SFT2D2: variants seen among roughly 807,000 people sequenced by gnomAD.
The protein encoded by SFT2D2 is vesicle transport protein SFT2B.
SFT2D2 carries 21 observed loss-of-function variants against 27.4 expected under a neutral mutation model. The observed-to-expected ratio is 0.77, with a 90% CI of 0.54 to 1.10. SFT2D2 has a LOEUF of 1.10. Among genes scored for constraint, SFT2D2 ranks in the 50% least tolerant of loss-of-function variants. The probability of loss-of-function intolerance (pLI) is 0.00; values close to 1 mark genes in which losing one functional copy is unlikely to be tolerated. For missense variants in SFT2D2, 187 were observed against 194.2 expected (o/e 0.96, Z 0.22); for synonymous variants, 72 against 71.7 (o/e 1.00, Z -0.02).
Position 168,252,381 on chromosome 1 carries a change from G to A in SFT2D2, c.*9841G>A, listed in dbSNP as rs1185771218. 1 of 152,176 alleles carries A rather than the reference G, an allele frequency of 6.6e-6. No individual in the cohort carries two copies. Among genetic ancestry groups the A allele is most frequent in the Non-Finnish European group, 1.5e-5 (1 of 68,032 alleles). 9.4% of individuals were successfully genotyped at this position (152,176 alleles called of 1,614,324 possible). A position where few individuals can be genotyped will look rare whatever the true frequency, so the allele number is the denominator to read the frequency against. On this transcript the variant is annotated 3_prime_UTR_variant, in exon 8 of 8. Coordinates refer to ENST00000271375, the MANE Select transcript of SFT2D2 (RefSeq NM_199344.3). The stretch of plus-strand genomic sequence containing the variant: ...GTGAGGCATCCTTAAAGGACAAATT[G>A]CAGCTGGTATTTGGGTGAATGTTGT...
rs1258768133 is a variant in SFT2D2, at chr1:168,250,021, A to G, written c.*7481A>G. On this transcript the variant is annotated 3_prime_UTR_variant, in exon 8 of 8. Transcript: ENST00000271375. ...CTGCCCAGTGAATGGTATTGCCTCC[A>G]TCCTCTGAGAAGGTAAAGAGCCTAT... is the stretch of plus-strand genomic sequence containing the variant. 6.6e-6 allele frequency: 1 copy of G among 152,180 alleles called. No homozygotes were observed. Among genetic ancestry groups the G allele is most frequent in the Non-Finnish European group, 1.5e-5 (1 of 68,042 alleles). The allele number at this position is 152,180 out of a possible 1,614,324, so 9.4% of individuals were successfully genotyped here.
chr1:168,231,385 C>A (rs1647282997), intron 1 of SFT2D2, 129 bp from the exon 2 acceptor site: 1 of 715,336 alleles, frequency 1.4e-6, no homozygotes, highest in Admixed American at 2.5e-5. Context: ...ACTTACATCG[C>A]CTGAGTGTGT....
rs139446674 is a variant in SFT2D2 at position 168,236,753 on chromosome 1, G to T, written c.396G>T (p.Gln132His). The T allele has an allele frequency of 1.6e-3, 2,648 of 1,614,160 alleles. 4 individuals carry two copies. The highest frequency in any genetic ancestry group is 2.1e-3 in the Non-Finnish European group (2,471 of 1,180,018). Residue 132 changes from glutamine to histidine, a missense_variant, in exon 6 of 8, where the codon CAG becomes CAT. Transcript: ENST00000271375. ...TTGCACTTATCTTCTGCATTTTGCA[G>T]TCTTTGGCATTGACGTGGTAAGTAA... is the stretch of plus-strand genomic sequence containing the variant. ...KGLALIFCIL[Q>H]SLALTWYSLS...
chr1:168,234,942 A>G (rs962087830), intron 3 of SFT2D2, among the ~76,000 whole-genome samples, 159 bp from the exon 4 acceptor site: 8 of 152,188 alleles, frequency 5.3e-5, no homozygotes, highest in African/African-American at 1.9e-4. Context: ...TTGTTGATGG[A>G]TTAAATGAGA....
At chr1:168,239,001 C>T in intron 6 of SFT2D2, 130 bp from the exon 7 acceptor site, 1 of 730,496 alleles carries the variant, frequency 1.4e-6, no homozygotes, top group Non-Finnish European at 2.4e-6. Flanking sequence ...ATGCTCATCC[C>T]CCAGGCTGAG....
At position 168,246,518 on chromosome 1, in the gene SFT2D2, T is replaced by G; in HGVS notation, c.*3978T>G. 1 of 1,483,064 alleles carries G rather than the reference T, an allele frequency of 6.7e-7. No individual in the cohort carries two copies. The highest frequency in any genetic ancestry group is 1.8e-5 in the Admixed American group (1 of 54,662). The allele number at this position is 1,483,064 out of a possible 1,614,324, so 91.9% of individuals were successfully genotyped here. A position where few individuals can be genotyped will look rare whatever the true frequency, so the allele number is the denominator to read the frequency against. ...TCTCTTGTGTTATGGAGCTCAGTTT[T>G]GAGGCACCTGGACTTACTCTCAGCT... On this transcript the variant is annotated 3_prime_UTR_variant, in exon 8 of 8. Transcript: ENST00000271375.
At chr1:168,239,710 T>C (rs1647593783) in intron 7 of SFT2D2, among the ~76,000 whole-genome samples, 3 of 152,098 alleles carry the variant, frequency 2.0e-5, no homozygotes, top group African/African-American at 7.2e-5. Flanking sequence ...GAGGCCTCTT[T>C]TAGCTCTGAA....
At position 168,239,294 on chromosome 1, in the gene SFT2D2, A is replaced by G; in HGVS notation, c.443+134A>G. The G allele has an allele frequency of 2.0e-5, 13 of 653,128 alleles. No homozygotes were observed. In the South Asian group the frequency reaches 2.4e-4, roughly 12 times the overall value. The allele number at this position is 653,128 out of a possible 1,614,324, so 40.5% of individuals were successfully genotyped here. A position where few individuals can be genotyped will look rare whatever the true frequency, so the allele number is the denominator to read the frequency against. ...TAGACAAATACTATACATCTCATTT[A>G]TAGATAAGTAAGTTAAAGGTCACCC... On this transcript the variant is annotated intron_variant, in intron 7 of 7. Coordinates refer to ENST00000271375, the MANE Select transcript of SFT2D2 (RefSeq NM_199344.3).
intron 4 of SFT2D2, among the ~76,000 whole-genome samples, chr1:168,236,373 A>C (rs1054491252): frequency 6.6e-6 from 1 of 152,222 alleles, no homozygotes; most frequent in African/African-American, 2.4e-5. Context: ...GAAAACTTGA[A>C]AGTAAAAGAA....
intron 7 of SFT2D2, among the ~76,000 whole-genome samples, 165 bp downstream of exon 7, chr1:168,239,325 C>T (rs1647585434): frequency 6.6e-6 from 1 of 152,158 alleles, no homozygotes; most frequent in Non-Finnish European, 1.5e-5. Context: ...CACCCCACCA[C>T]CCACTCTAAT....
intron 4 of SFT2D2, 143 bp from the exon 5 acceptor site, chr1:168,236,446 C>A: frequency 2.9e-6 from 2 of 695,204 alleles, no homozygotes; most frequent in South Asian, 1.9e-5. Flanking sequence ...AACTATTCTG[C>A]CAAATATGGG....
In SFT2D2 at chr1:168,242,603, T is replaced by A; in HGVS notation, c.*63T>A. On this transcript the variant is annotated 3_prime_UTR_variant, in exon 8 of 8. Transcript: ENST00000271375. ...GGACAGAAGCTGGTGGACAGTTTTG[T>A]AACTATCTTCGAAACCTCTGTCTTA... 4 of 1,591,538 alleles carry A rather than the reference T, an allele frequency of 2.5e-6. No homozygotes were observed. The South Asian group carries it at 4.4e-5, about 18-fold the overall frequency.
chr1:168,252,899 T>C lies in SFT2D2; in HGVS notation c.*10359T>C, dbSNP rs1442618040. On this transcript the variant is annotated 3_prime_UTR_variant, in exon 8 of 8. Coordinates refer to ENST00000271375, the MANE Select transcript of SFT2D2 (RefSeq NM_199344.3). Reference sequence around the variant, plus strand: ...GAAAATCTATTTCATTTACTAAATATTGTTTTCTTTATGCTAACTTAACTT... The same window carrying C: ...GAAAATCTATTTCATTTACTAAATACTGTTTTCTTTATGCTAACTTAACTT... 6.6e-6 allele frequency: 1 copy of C among 152,244 alleles called. No individual in the cohort carries two copies. Among genetic ancestry groups the C allele is most frequent in the Admixed American group, 6.5e-5 (1 of 15,288 alleles). 9.4% of individuals were successfully genotyped at this position (152,244 alleles called of 1,614,324 possible).
chr1:168,231,961 T>A (rs540975279), intron 3 of SFT2D2, 42 bp downstream of exon 3: 1 of 1,554,102 alleles, frequency 6.4e-7, no homozygotes, highest in East Asian at 2.2e-5. Flanking sequence ...AATCATTAGA[T>A]GGGAAAATGG....
intron 6 of SFT2D2, among the ~76,000 whole-genome samples, chr1:168,238,729 G>T (rs1353698039): frequency 2.0e-5 from 3 of 152,016 alleles, no homozygotes; most frequent in East Asian, 1.9e-4. Flanking sequence ...AATAAAGGAG[G>T]GGGGTGCGGT....
In SFT2D2 at chr1:168,245,356, A is replaced by G. The variant is rs1337207143; in HGVS notation, c.*2816A>G. 6.6e-6 allele frequency: 1 copy of G among 152,202 alleles called. No homozygotes were observed. Among genetic ancestry groups the G allele is most frequent in the Non-Finnish European group, 1.5e-5 (1 of 68,042 alleles). The allele number at this position is 152,202 out of a possible 1,614,324, so 9.4% of individuals were successfully genotyped here. A position where few individuals can be genotyped will look rare whatever the true frequency, so the allele number is the denominator to read the frequency against. ...AAAATTTAAAAATAATACCATTTAC[A>G]ATAGCATTAAAATATAAAATTCTTG... On this transcript the variant is annotated 3_prime_UTR_variant, in exon 8 of 8. Coordinates refer to ENST00000271375, the MANE Select transcript of SFT2D2 (RefSeq NM_199344.3).
chr1:168,247,168 G>T lies in SFT2D2; in HGVS notation c.*4628G>T. 1 of 268,474 alleles carries T rather than the reference G, an allele frequency of 3.7e-6. No homozygotes were observed. 16.6% of individuals were successfully genotyped at this position (268,474 alleles called of 1,614,324 possible). ...TCAGTGATTATCTTTAAGTTCCACT[G>T]ATCTTTTACATAAATAAACTGCATT... On this transcript the variant is annotated 3_prime_UTR_variant, in exon 8 of 8. Coordinates refer to ENST00000271375, the MANE Select transcript of SFT2D2 (RefSeq NM_199344.3).
intron 4 of SFT2D2, 37 bp downstream of exon 4, chr1:168,235,219 A>T (rs1175632878): frequency 6.3e-7 from 1 of 1,582,344 alleles, no homozygotes; most frequent in Non-Finnish European, 8.7e-7. Context: ...CTCAGATGGG[A>T]GTTTTTATTT....
At chr1:168,233,912 G>T (rs193071645) in intron 3 of SFT2D2, among the ~76,000 whole-genome samples, 2 of 152,268 alleles carry the variant, frequency 1.3e-5, no homozygotes, top group African/African-American at 4.8e-5. Context: ...CTTCTTATTC[G>T]GTGTAGGTTA....
Sources: gnomAD v4.1 joint callset for allele counts (sites outside exome capture counted in the v4.1 genomes callset) on GRCh38, gnomAD v4.1.1 for gene constraint, MANE v1.5 for transcripts, NCBI Gene and HGNC (gene_info 2026-07-23, HGNC 2026-07-21) for gene names.